Variants in USP42 observed in about 807,000 individuals in gnomAD.
USP42 encodes ubiquitin specific peptidase 42.
USP42 carries 23 observed loss-of-function variants against 113.0 expected under a neutral mutation model. That is an observed-to-expected ratio of 0.20 (90% CI 0.15 to 0.29). The LOEUF (loss-of-function observed/expected upper bound fraction) is 0.29. Ranked by LOEUF, USP42 falls within the 10% of genes least tolerant of loss-of-function variation. USP42 has a pLI of 1.00. For missense variants in USP42, 2,174 were observed against 1,779.8 expected, an observed-to-expected ratio of 1.22 and a Z score of -3.99; for synonymous variants, 933 against 699.0, an observed-to-expected ratio of 1.33 and a Z score of -5.28.
chr7:6,092,058 T>C, the USP42 span, among the ~76,000 whole-genome samples: 2 of 71,150 alleles, frequency 2.8e-5, no homozygotes, highest in African/African-American at 6.3e-5. Flanking sequence ...TTCTTCTTTC[T>C]TCTTCTTCTT....
the USP42 span, among the ~76,000 whole-genome samples, chr7:6,094,890 C>T: frequency 2.0e-5 from 3 of 150,314 alleles, no homozygotes; most frequent in Admixed American, 1.3e-4. Flanking sequence ...CAGGTTCAAG[C>T]GATTCTCCTG....
At chr7:6,110,260 G>A (rs534611715) in intron 1 of USP42, among the ~76,000 whole-genome samples, 203 of 152,286 alleles carry the variant, frequency 1.3e-3, no homozygotes, top group African/African-American at 4.6e-3. Flanking sequence ...GGCTGGGAAC[G>A]CTGGACCTGG....
intron 11 of USP42, 54 bp downstream of exon 11, chr7:6,146,302 C>T (rs1583662360): frequency 1.0e-6 from 1 of 993,592 alleles, no homozygotes; most frequent in East Asian, 2.7e-5. Flanking sequence ...TTCTTCTTGT[C>T]TTATCAACAT....
intron 3 of USP42, among the ~76,000 whole-genome samples, chr7:6,118,498 G>A (rs949534505): frequency 2.0e-5 from 3 of 151,858 alleles, no homozygotes; most frequent in African/African-American, 7.3e-5. Flanking sequence ...TTCCAGTCTG[G>A]GTGACAGTAA....
intron 3 of USP42, among the ~76,000 whole-genome samples, chr7:6,123,378 A>G (rs59209465): frequency 0.2 from 30,750 of 151,878 alleles, 5,254 homozygotes; most frequent in East Asian, 0.72. Flanking sequence ...ATATTAAAAA[A>G]TTGGGCTGGG....
At position 6,150,436 on chromosome 7, in the gene USP42, C is replaced by A. The variant is rs1383564208; in HGVS notation, c.2131C>A (p.Leu711Ile). Reference sequence around the variant, plus strand: ...GTTGATGCCTGCTCCTTTGCTGTCTCTCCCAGAAGACAAAATCTTAGAGAC... The same window carrying A: ...GTTGATGCCTGCTCCTTTGCTGTCTATCCCAGAAGACAAAATCTTAGAGAC... The part of the protein sequence containing the change: ...GKLMPAPLLS[L>I]PEDKILETFR... The change falls in exon 14 of 18, where the codon CTC becomes ATC. Residue 711 changes from leucine to isoleucine, a missense_variant. By Grantham distance (5) the Leu-to-Ile change is conservative. Transcript: ENST00000306177. 1 of 1,613,854 alleles carries A rather than the reference C, an allele frequency of 6.2e-7. No individual in the cohort carries two copies. The highest frequency in any genetic ancestry group is 1.3e-5 in the African/African-American group (1 of 74,910).
rs117340210 is a variant in USP42, at chr7:6,109,166, A to T, written c.-9-1959A>T. 9.2e-5 allele frequency among the ~76,000 whole-genome samples: 14 copies of T among 152,296 alleles called. No individual in the cohort carries two copies. The East Asian group carries it at 2.3e-3, about 25-fold the overall frequency. ...GTCTAAACTGAGAAGTGGAAGTGTG[A>T]ACTGGCTGGAGGTGGAAGGTTGGAA... On this transcript the variant is annotated intron_variant, in intron 1 of 17. Transcript: ENST00000306177.
the USP42 span, among the ~76,000 whole-genome samples, chr7:6,090,757 C>T: frequency 6.9e-6 from 1 of 144,726 alleles, no homozygotes; most frequent in South Asian, 2.1e-4. Context: ...ATATTATATA[C>T]TATATATATT....
intron 6 of USP42, among the ~76,000 whole-genome samples, chr7:6,140,518 CGAT>C (rs1781376294): frequency 6.6e-6 from 1 of 152,208 alleles, no homozygotes; most frequent in South Asian, 2.1e-4. Context: ...AGTCCCCTAT[CGAT>C]GGGATTTAGG....
chr7:6,098,422 G>A, the USP42 span, among the ~76,000 whole-genome samples: 4 of 150,124 alleles, frequency 2.7e-5, no homozygotes, highest in Non-Finnish European at 5.9e-5. Flanking sequence ...GTGTGTATTA[G>A]CCTGGTCTTG....
At position 6,155,119 on chromosome 7, in the gene USP42, G is replaced by C. The variant is rs767452368; in HGVS notation, c.3565G>C (p.Glu1189Gln). ...GAGCGAACAGAAGGATCCTCTAGAA[G>C]AGCCTAAAGCAAAGAAGCACAAAAA... ...RRSEQKDPLE[E>Q]PKAKKHKKSK... The change falls in exon 15 of 18, where the codon GAG becomes CAG. Residue 1189 changes from glutamate to glutamine, a missense_variant. Physicochemically the swap from Glu to Gln is conservative, Grantham distance 29 (BLOSUM62 2). Coordinates refer to ENST00000306177, the MANE Select transcript of USP42 (RefSeq NM_032172.3). 3 of 1,557,788 alleles carry C rather than the reference G, an allele frequency of 1.9e-6. No homozygotes were observed. The highest frequency in any genetic ancestry group is 2.6e-6 in the Non-Finnish European group (3 of 1,150,968).
chr7:6,090,326 A>G, the USP42 span, among the ~76,000 whole-genome samples: 2 of 141,906 alleles, frequency 1.4e-5, no homozygotes, highest in Non-Finnish European at 3.0e-5. Context: ...AAATATATAT[A>G]TATATTTCTT....
chr7:6,108,197 A>AAAAC (rs529058009), intron 1 of USP42, among the ~76,000 whole-genome samples: 1 of 152,154 alleles, frequency 6.6e-6, no homozygotes, highest in Non-Finnish European at 1.5e-5. Flanking sequence ...AAAACATAAC[A>AAAAC]AAACAAACAA....
the USP42 span, among the ~76,000 whole-genome samples, chr7:6,083,805 C>T: frequency 6.6e-6 from 1 of 150,578 alleles, no homozygotes; most frequent in Admixed American, 6.6e-5. Flanking sequence ...TTTTTTTCCC[C>T]TTCCTTACTC....
At chr7:6,151,200 A>C (rs1274596163) in intron 14 of USP42, among the ~76,000 whole-genome samples, 1 of 152,260 alleles carries the variant, frequency 6.6e-6, no homozygotes, top group African/African-American at 2.4e-5. Flanking sequence ...TGAGCCAGTG[A>C]GTGAGTGCTG....
Position 6,143,053 on chromosome 7 carries a change from T to C in USP42, c.878+39T>C, listed in dbSNP as rs534801099. On this transcript the variant is annotated intron_variant, in intron 8 of 17. Coordinates refer to ENST00000306177, the MANE Select transcript of USP42 (RefSeq NM_032172.3). The stretch of plus-strand genomic sequence containing the variant: ...TGACTTGATTCTTGATGCCGGCTTC[T>C]CCAGTGGGGATGGCCGGCAGGCTTG... The C allele has an allele frequency of 3.9e-5, 63 of 1,603,562 alleles. No individual in the cohort carries two copies. The East Asian group carries it at 1.4e-3, about 36-fold the overall frequency.
intron 14 of USP42, among the ~76,000 whole-genome samples, chr7:6,153,354 G>A (rs1445416782): frequency 1.3e-5 from 2 of 151,988 alleles, no homozygotes; most frequent in Non-Finnish European, 2.9e-5. Flanking sequence ...CCAGAAACAG[G>A]AAGAGCCTAG....
chr7:6,135,779 A>G, intron 3 of USP42, 62 bp from the exon 4 acceptor site: 2 of 868,676 alleles, frequency 2.3e-6, no homozygotes, highest in South Asian at 4.8e-5. Context: ...ATTTGTAATT[A>G]GCCTTGATGT....
At chr7:6,092,053 C>CT in the USP42 span, among the ~76,000 whole-genome samples, 64 of 41,750 alleles carry the variant, frequency 1.5e-3, 3 homozygotes, top group Non-Finnish European at 1.9e-3. Flanking sequence ...TCTTCTTCTT[C>CT]TTTCTTCTTC....
Sources: gnomAD v4.1 joint callset for allele counts (sites outside exome capture counted in the v4.1 genomes callset) on GRCh38, gnomAD v4.1.1 for gene constraint, MANE v1.5 for transcripts, NCBI Gene and HGNC (gene_info 2026-07-23, HGNC 2026-07-21) for gene names.